The following MAOB variants were observed in gnomAD, a reference collection of about 807,000 sequenced individuals.
MAOB encodes the protein monoamine oxidase B, also known as amine oxidase [flavin-containing] B.
MAOB carries 15 observed loss-of-function variants against 41.9 expected under a neutral mutation model. The observed-to-expected ratio is 0.36, with a 90% CI of 0.24 to 0.55. The LOEUF (loss-of-function observed/expected upper bound fraction) is 0.55. Among genes scored for constraint, MAOB ranks in the 20% least tolerant of loss-of-function variants. The pLI, the probability that MAOB is intolerant of heterozygous loss-of-function variation, is 0.86. For missense variants in MAOB, 345 were observed against 398.7 expected (o/e 0.87, Z 1.15); for synonymous variants, 167 against 144.2 (o/e 1.16, Z -1.13).
At chrX:43,838,098 C>T in intron 3 of MAOB, 1 of 258,990 alleles carries the variant, frequency 3.9e-6, no homozygotes, top group Non-Finnish European at 7.6e-6. Context: ...TGTATTTCTG[C>T]AAATTTAAGA....
At chrX:43,790,113 TG>T (rs950426346) in intron 8 of MAOB, among the ~76,000 whole-genome samples, 9 of 112,053 alleles carry the variant, frequency 8.0e-5, no homozygotes, top group Non-Finnish European at 1.5e-4. Flanking sequence ...CTAATCACTG[TG>T]CTGGATTGTT....
intron 2 of MAOB, 114 bp downstream of exon 2, chrX:43,843,556 T>C (rs2035166087): frequency 3.2e-6 from 2 of 619,013 alleles, no homozygotes; most frequent in Admixed American, 8.1e-5. Context: ...TTCAGAGTTA[T>C]TTTCACCCTC....
chrX:43,803,181 A>G, intron 4 of MAOB, 119 bp downstream of exon 4: 1 of 580,786 alleles, frequency 1.7e-6, no homozygotes, highest in African/African-American at 2.4e-5. Flanking sequence ...TCATTTCACA[A>G]ATCTTTAGTT....
At chrX:43,806,340 C>T in intron 3 of MAOB, among the ~76,000 whole-genome samples, 1 of 111,848 alleles carries the variant, frequency 8.9e-6, no homozygotes, top group East Asian at 2.8e-4. Context: ...TTTTTCATAA[C>T]CTTCAAAGTT....
chrX:43,839,898 G>T (rs1446794067), intron 2 of MAOB, among the ~76,000 whole-genome samples: 1 of 112,178 alleles, frequency 8.9e-6, no homozygotes, highest in East Asian at 2.8e-4. Flanking sequence ...AACTGGGAGA[G>T]ATAAGATGTA....
intron 3 of MAOB, among the ~76,000 whole-genome samples, chrX:43,811,046 C>T (rs1434333687): frequency 8.9e-6 from 1 of 112,119 alleles, no homozygotes; most frequent in East Asian, 2.8e-4. Flanking sequence ...AGTAAGCAAA[C>T]TGATTCTCAC....
Position 43,882,272 on chromosome X carries a change from C to A in MAOB, c.28G>T (p.Val10Leu). MSNKCDVVV[V>L]GGGISGMAAA... ...GACTAACCTGAGATGCCGCCCCCCA[C>A]CACGACCACGTCGCATTTGTTGCTC... The change falls in exon 1 of 15, where the codon GTG becomes TTG. Residue 10 changes from valine to leucine, a missense_variant. Physicochemically the swap from Val to Leu is conservative, Grantham distance 32. Coordinates refer to ENST00000378069, the MANE Select transcript of MAOB (RefSeq NM_000898.5). 8.3e-7 allele frequency: 1 copy of A among 1,209,680 alleles called. No homozygotes were observed.
In MAOB at chrX:43,776,751, C is replaced by A. The variant is rs534293237; in HGVS notation, c.1138-1479G>T. Among the ~76,000 whole-genome samples the A allele has an allele frequency of 3.7e-4, 24 of 64,324 alleles. 1 individual carries two copies. In the South Asian group the frequency reaches 0.033, roughly 88 times the overall value. The allele number at this position is 64,324 out of a possible 115,157, so 55.9% of individuals were successfully genotyped here. ...CATTAGGTATATCTCCAAATGCTATCCCTCCCCCCTCCCCCCACCCCACAA... is the reference window on the plus strand; with the variant it reads ...CATTAGGTATATCTCCAAATGCTATACCTCCCCCCTCCCCCCACCCCACAA... On this transcript the variant is annotated intron_variant, in intron 11 of 14. Coordinates refer to ENST00000378069, the MANE Select transcript of MAOB (RefSeq NM_000898.5).
At chrX:43,822,534 C>T (rs1186449368) in intron 3 of MAOB, among the ~76,000 whole-genome samples, 3 of 111,333 alleles carry the variant, frequency 2.7e-5, no homozygotes, top group Non-Finnish European at 5.7e-5. Context: ...AAGGAAGAGG[C>T]AAGTTTGGCC....
rs1240043110 is a variant in MAOB at position 43,826,382 on chromosome X, A to G, written c.279+12486T>C. ...TGTGCTCTAAAAGGGACAGGCTCAC[A>G]TACGGGTAAAGACCCATTCTTTCAA... is the stretch of plus-strand genomic sequence containing the variant. On this transcript the variant is annotated intron_variant, in intron 3 of 14. Coordinates refer to ENST00000378069, the MANE Select transcript of MAOB (RefSeq NM_000898.5). 2.7e-5 allele frequency among the ~76,000 whole-genome samples: 3 copies of G among 112,153 alleles called. No individual in the cohort carries two copies. In the East Asian group the frequency reaches 8.4e-4, roughly 31 times the overall value.
intron 8 of MAOB, among the ~76,000 whole-genome samples, 175 bp downstream of exon 8, chrX:43,793,244 G>A (rs925590777): frequency 9.0e-6 from 1 of 111,711 alleles, no homozygotes; most frequent in African/African-American, 3.3e-5. Flanking sequence ...TCACTACCTG[G>A]GTGACAGAAT....
chrX:43,868,890 T>A (rs1184213965), intron 1 of MAOB, among the ~76,000 whole-genome samples: 1 of 111,230 alleles, frequency 9.0e-6, no homozygotes, highest in Non-Finnish European at 1.9e-5. Context: ...TGTGAATGTG[T>A]TGAACTGGAA....
At position 43,767,167 on chromosome X, in the gene MAOB, A is replaced by G. The variant is rs1404974262; in HGVS notation, c.*299T>C. The stretch of plus-strand genomic sequence containing the variant: ...AAAAATTCATTCCTTGTGCATGGGC[A>G]AGGTGTGTTGTGGGGCAGCAAGAAC... On this transcript the variant is annotated 3_prime_UTR_variant, in exon 15 of 15. Transcript: ENST00000378069. 1 of 266,685 alleles carries G rather than the reference A, an allele frequency of 3.7e-6. No homozygotes were observed. The highest frequency in any genetic ancestry group is 6.6e-6 in the Non-Finnish European group (1 of 151,504). 22.0% of individuals were successfully genotyped at this position (266,685 alleles called of 1,213,427 possible).
chrX:43,838,556 A>G (rs763920605), intron 3 of MAOB, among the ~76,000 whole-genome samples: 2 of 112,485 alleles, frequency 1.8e-5, no homozygotes, highest in Non-Finnish European at 3.7e-5. Context: ...TTTATATAAC[A>G]TAAAAGACTT....
At chrX:43,846,303 T>TA (rs2035202026) in intron 1 of MAOB, among the ~76,000 whole-genome samples, 1 of 112,484 alleles carries the variant, frequency 8.9e-6, no homozygotes, top group South Asian at 3.7e-4. Context: ...TACCGTCTTT[T>TA]AGTAAATGCA....
intron 3 of MAOB, among the ~76,000 whole-genome samples, chrX:43,836,635 A>T (rs2035075066): frequency 8.9e-6 from 1 of 112,401 alleles, no homozygotes. Flanking sequence ...ATAGCAATAC[A>T]GGAATACGAA....
chrX:43,827,990 G>A (rs1261582782), intron 3 of MAOB, among the ~76,000 whole-genome samples: 1 of 111,651 alleles, frequency 9.0e-6, no homozygotes, highest in African/African-American at 3.3e-5. Flanking sequence ...GAAGAAATAT[G>A]AGGTCCCTAA....
At chrX:43,808,044 T>C (rs1180296860) in intron 3 of MAOB, among the ~76,000 whole-genome samples, 2 of 111,139 alleles carry the variant, frequency 1.8e-5, no homozygotes, top group African/African-American at 6.6e-5. Context: ...CTCAACACAA[T>C]GCACTTGTAC....
chrX:43,861,352 A>G (rs941938760), intron 1 of MAOB, among the ~76,000 whole-genome samples: 1 of 112,660 alleles, frequency 8.9e-6, no homozygotes, highest in African/African-American at 3.2e-5. Context: ...TGTATCAAAA[A>G]CGTATTTTAA....
Sources: gnomAD v4.1 joint callset for allele counts (sites outside exome capture counted in the v4.1 genomes callset) on GRCh38, gnomAD v4.1.1 for gene constraint, MANE v1.5 for transcripts, NCBI Gene and HGNC (gene_info 2026-07-23, HGNC 2026-07-21) for gene names.